The following DUSP19 variants were observed in gnomAD, a reference collection of about 807,000 sequenced individuals.
The protein encoded by DUSP19 is dual specificity phosphatase 19.
Under a neutral mutation model 16.6 loss-of-function variants are expected in DUSP19, and 14 were observed. The observed-to-expected ratio is 0.84, with a 90% CI of 0.56 to 1.32. The LOEUF (loss-of-function observed/expected upper bound fraction) is 1.32, where lower values mean the gene tolerates loss of function less well. DUSP19 is among the 40% of genes most tolerant of loss of function. The probability of loss-of-function intolerance (pLI) is 0.00; values close to 1 mark genes in which losing one functional copy is unlikely to be tolerated. For synonymous variants in DUSP19, 81 were observed against 90.5 expected (o/e 0.90, Z 0.59); for missense variants, 258 against 255.9 (o/e 1.01, Z -0.06).
At chr2:183,089,137 G>A (rs1699700609) in intron 3 of DUSP19, among the ~76,000 whole-genome samples, 1 of 152,170 alleles carries the variant, frequency 6.6e-6, no homozygotes, top group Non-Finnish European at 1.5e-5. Context: ...TAGAGCTTAT[G>A]CTTAATTTGA....
rs545333137 is a variant in DUSP19 at position 183,098,087 on chromosome 2, G to T, written c.*2429G>T. On this transcript the variant is annotated 3_prime_UTR_variant, in exon 4 of 4. Transcript: ENST00000354221. ...TGTATTTTTTTTTGGTAGAGACAGGGTTCAACCATGTTGGTCAGGCTGGTC... is the reference window on the plus strand; with the variant it reads ...TGTATTTTTTTTTGGTAGAGACAGGTTTCAACCATGTTGGTCAGGCTGGTC... 6.6e-6 allele frequency: 1 copy of T among 152,114 alleles called. No individual in the cohort carries two copies. Among genetic ancestry groups the T allele is most frequent in the Non-Finnish European group, 1.5e-5 (1 of 68,038 alleles). The allele number at this position is 152,114 out of a possible 1,614,324, so 9.4% of individuals were successfully genotyped here. A position where few individuals can be genotyped will look rare whatever the true frequency, so the allele number is the denominator to read the frequency against.
chr2:183,080,731 C>T (rs774253093), intron 1 of DUSP19, among the ~76,000 whole-genome samples: 1 of 152,130 alleles, frequency 6.6e-6, no homozygotes, highest in African/African-American at 2.4e-5. Context: ...TGGAAACCTC[C>T]CCAGGATAGT....
chr2:183,085,481 T>C (rs977913749), intron 2 of DUSP19, among the ~76,000 whole-genome samples: 4 of 152,060 alleles, frequency 2.6e-5, no homozygotes, highest in Non-Finnish European at 4.4e-5. Flanking sequence ...CCATGGGACT[T>C]GGTGACAGAG....
intron 2 of DUSP19, 77 bp from the exon 3 acceptor site, chr2:183,086,963 T>C (rs1699670689): frequency 7.0e-7 from 1 of 1,418,758 alleles, no homozygotes; most frequent in Non-Finnish European, 9.6e-7. Context: ...TTGTTATAGA[T>C]ATCAACACCC....
chr2:183,085,586 G>T (rs992804357), intron 2 of DUSP19, among the ~76,000 whole-genome samples: 21 of 150,710 alleles, frequency 1.4e-4, no homozygotes, highest in African/African-American at 5.1e-4. Flanking sequence ...GATGGCAAAG[G>T]GAAAAAAAAA....
chr2:183,082,866 CTCTT>C (rs1699611690), intron 1 of DUSP19, among the ~76,000 whole-genome samples: 1 of 131,910 alleles, frequency 7.6e-6, no homozygotes, highest in Non-Finnish European at 1.6e-5. Context: ...CCCTCCCTCT[CTCTT>C]CTCTTGTCTT....
intron 2 of DUSP19, 25 bp downstream of exon 2, chr2:183,083,579 A>T: frequency 6.3e-7 from 1 of 1,580,214 alleles, no homozygotes. Flanking sequence ...TAAGTCTGGC[A>T]CCATATACAC....
rs538017899 is a variant in DUSP19 at position 183,099,950 on chromosome 2, T to C, written c.*4292T>C. The C allele has an allele frequency of 1.2e-4, 18 of 147,640 alleles. No individual in the cohort carries two copies. Among genetic ancestry groups the C allele is most frequent in the African/African-American group, 4.3e-4 (17 of 39,676 alleles). The allele number at this position is 147,640 out of a possible 1,614,324, so 9.1% of individuals were successfully genotyped here. On this transcript the variant is annotated 3_prime_UTR_variant, in exon 4 of 4. Transcript: ENST00000354221. ...AGGTGGAGGTGGCAGTGAGCCGAGATAGCACCACTGCACTTCTAGTTGACA... is the reference window on the plus strand; with the variant it reads ...AGGTGGAGGTGGCAGTGAGCCGAGACAGCACCACTGCACTTCTAGTTGACA...
rs1184077877 is a variant in DUSP19 at position 183,099,731 on chromosome 2, TG to T, written c.*4075del. The T allele has an allele frequency of 6.6e-6, 1 of 152,240 alleles. No individual in the cohort carries two copies. Among genetic ancestry groups the T allele is most frequent in the African/African-American group, 2.4e-5 (1 of 41,452 alleles). 9.4% of individuals were successfully genotyped at this position (152,240 alleles called of 1,614,324 possible). A position where few individuals can be genotyped will look rare whatever the true frequency, so the allele number is the denominator to read the frequency against. Reference sequence around the variant, plus strand: ...AAAATCTGTTGGTGGCCAGGCGCAGTGGCTCATGCCTGTAATCCCAACATTT... The same window carrying T: ...AAAATCTGTTGGTGGCCAGGCGCAGTGCTCATGCCTGTAATCCCAACATTT... On this transcript the variant is annotated 3_prime_UTR_variant, in exon 4 of 4. Coordinates refer to ENST00000354221, the MANE Select transcript of DUSP19 (RefSeq NM_080876.4).
intron 3 of DUSP19, among the ~76,000 whole-genome samples, chr2:183,093,860 A>G (rs576448470): frequency 7.9e-5 from 12 of 152,314 alleles, no homozygotes; most frequent in African/African-American, 2.9e-4. Context: ...TTATGATTGC[A>G]AGTTTCTTTG....
At chr2:183,090,098 A>G (rs1221304778) in intron 3 of DUSP19, among the ~76,000 whole-genome samples, 1 of 152,238 alleles carries the variant, frequency 6.6e-6, no homozygotes, top group Non-Finnish European at 1.5e-5. Flanking sequence ...TAGTTTTAGC[A>G]ATAAAAATTC....
Position 183,095,726 on chromosome 2 carries a change from T to C in DUSP19, c.*68T>C. On this transcript the variant is annotated 3_prime_UTR_variant, in exon 4 of 4. Coordinates refer to ENST00000354221, the MANE Select transcript of DUSP19 (RefSeq NM_080876.4). ...GACTTCTATAGCCATCTTTTCCCTT[T>C]TTTGGAGAGTAGACTAGCAAAACTC... is the stretch of plus-strand genomic sequence containing the variant. 1 of 1,297,014 alleles carries C rather than the reference T, an allele frequency of 7.7e-7. No individual in the cohort carries two copies. Among genetic ancestry groups the C allele is most frequent in the Non-Finnish European group, 1.1e-6 (1 of 933,594 alleles). 80.3% of individuals were successfully genotyped at this position (1,297,014 alleles called of 1,614,324 possible).
At chr2:183,084,220 G>A (rs1699631360) in intron 2 of DUSP19, among the ~76,000 whole-genome samples, 1 of 152,056 alleles carries the variant, frequency 6.6e-6, no homozygotes, top group South Asian at 2.1e-4. Flanking sequence ...GTTTTTGGGG[G>A]GATAAGTGAG....
At position 183,095,856 on chromosome 2, in the gene DUSP19, T is replaced by C; in HGVS notation, c.*198T>C. On this transcript the variant is annotated 3_prime_UTR_variant, in exon 4 of 4. Transcript: ENST00000354221. ...TGTCATTACTTTCTCTTTGTTATTA[T>C]AATGTGTGATTAAATGCTTTTTTAA... 2.5e-6 allele frequency: 1 copy of C among 394,486 alleles called. No homozygotes were observed. The highest frequency in any genetic ancestry group is 4.2e-5 in the Admixed American group (1 of 23,930). The allele number at this position is 394,486 out of a possible 1,614,324, so 24.4% of individuals were successfully genotyped here. A position where few individuals can be genotyped will look rare whatever the true frequency, so the allele number is the denominator to read the frequency against.
chr2:183,084,632 A>G (rs1699637590), intron 2 of DUSP19, among the ~76,000 whole-genome samples: 1 of 152,138 alleles, frequency 6.6e-6, no homozygotes, highest in Non-Finnish European at 1.5e-5. Context: ...AGCCAAAGTT[A>G]GTTGTGTGGA....
intron 1 of DUSP19, among the ~76,000 whole-genome samples, chr2:183,082,809 TGTTC>T (rs199596258): frequency 0.048 from 7,213 of 150,872 alleles, 230 homozygotes; most frequent in Non-Finnish European, 0.07. Flanking sequence ...CCTTCCCTTT[TGTTC>T]GTTCGTTCGT....
Position 183,099,907 on chromosome 2 carries a change from G to C in DUSP19, c.*4249G>C, listed in dbSNP as rs1259463525. The C allele has an allele frequency of 6.6e-6, 1 of 151,188 alleles. No homozygotes were observed. The highest frequency in any genetic ancestry group is 1.5e-5 in the Non-Finnish European group (1 of 67,980). 9.4% of individuals were successfully genotyped at this position (151,188 alleles called of 1,614,324 possible). A position where few individuals can be genotyped will look rare whatever the true frequency, so the allele number is the denominator to read the frequency against. On this transcript the variant is annotated 3_prime_UTR_variant, in exon 4 of 4. Transcript: ENST00000354221. ...AGCTTCTTAGGAGGCTGAGGTAGGA[G>C]AATTGCTTGACCCTGGGAGGTGGAG...
chr2:183,095,596 C>T lies in DUSP19; in HGVS notation c.592C>T (p.Arg198Cys), dbSNP rs1321414119. The change falls in exon 4 of 4, where the codon CGT (arginine) becomes TGT (cysteine). Residue 198 changes from arginine (R) to cysteine (C), a missense_variant. By Grantham distance (180) the Arg-to-Cys change is radical (BLOSUM62 -3). Coordinates refer to ENST00000354221, the MANE Select transcript of DUSP19 (RefSeq NM_080876.4). Reference sequence around the variant, plus strand: ...AAATTCTGGCTTCATGGAGCAGCTTCGTACATATCAAGAGGGCAAAGAAAG... The same window carrying T: ...AAATTCTGGCTTCATGGAGCAGCTTTGTACATATCAAGAGGGCAAAGAAAG... ...CPNSGFMEQL[R>C]TYQEGKESNK... is the part of the protein sequence containing the mutation. 6.8e-6 allele frequency: 11 copies of T among 1,613,696 alleles called. No individual in the cohort carries two copies. Among genetic ancestry groups the T allele is most frequent in the Admixed American group, 1.7e-5 (1 of 59,962 alleles).
At chr2:183,080,859 A>G (rs1465564753) in intron 1 of DUSP19, among the ~76,000 whole-genome samples, 1 of 152,212 alleles carries the variant, frequency 6.6e-6, no homozygotes, top group Non-Finnish European at 1.5e-5. Context: ...CTGCCTAATT[A>G]CAAGTGCCTC....
Sources: allele counts gnomAD v4.1 joint callset (sites outside exome capture counted in the v4.1 genomes callset), GRCh38; gene constraint gnomAD v4.1.1; transcripts MANE v1.5; gene names NCBI Gene and HGNC (gene_info 2026-07-23, HGNC 2026-07-21).